The following NAA15 variants were observed in gnomAD, a reference collection of about 807,000 sequenced individuals.
NAA15 encodes the protein N-terminal acetyltransferase.
In NAA15, 34 loss-of-function variants were observed where a neutral mutation model predicts 114.0. The ratio of observed to expected loss-of-function variants is 0.30; its 90% CI spans 0.23 to 0.40. The LOEUF (loss-of-function observed/expected upper bound fraction) is 0.40. NAA15 is among the 10% of genes least tolerant of loss of function. The probability of loss-of-function intolerance (pLI) is 1.00; values close to 1 mark genes in which losing one functional copy is unlikely to be tolerated. For missense variants in NAA15, 658 were observed against 1,004.5 expected, an observed-to-expected ratio of 0.66 and a Z score of 4.66; for synonymous variants, 340 against 338.0, an observed-to-expected ratio of 1.01 and a Z score of -0.06.
At chr4:139,341,615 A>G (rs1422349614) in intron 4 of NAA15, among the ~76,000 whole-genome samples, 5 of 150,824 alleles carry the variant, frequency 3.3e-5, no homozygotes, top group Admixed American at 2.0e-4. Context: ...AAAAAAAAAA[A>G]AAAAGAAAAT....
intron 15 of NAA15, among the ~76,000 whole-genome samples, chr4:139,375,213 C>G (rs576931259): frequency 6.6e-6 from 1 of 152,272 alleles, no homozygotes; most frequent in East Asian, 1.9e-4. Flanking sequence ...GTGGGGAAGT[C>G]GTACCTATGA....
At chr4:139,351,327 G>T in intron 8 of NAA15, 41 bp downstream of exon 8, 1 of 1,399,794 alleles carries the variant, frequency 7.1e-7, no homozygotes, top group South Asian at 1.2e-5. Flanking sequence ...ATGCTTTTAT[G>T]ATTTAAAGTT....
Position 139,349,459 on chromosome 4 carries a change from C to G in NAA15, c.692-3C>G. The G allele has an allele frequency of 6.4e-7, 1 of 1,552,158 alleles. No individual in the cohort carries two copies. ...AATTTTTTTTTTTTCTGTTTTTAAT[C>G]AGGGGAACTTCTGTTGCAACTATGT... On this transcript the variant is annotated splice_region_variant and splice_polypyrimidine_tract_variant and intron_variant, in intron 6 of 19. Transcript: ENST00000296543.
At chr4:139,359,990 A>AT (rs1748082502) in intron 12 of NAA15, 95 bp downstream of exon 12, 2 of 1,189,870 alleles carry the variant, frequency 1.7e-6, no homozygotes, top group African/African-American at 3.2e-5. Flanking sequence ...TGTCTTTAAT[A>AT]TTTTTGACAC....
intron 1 of NAA15, among the ~76,000 whole-genome samples, chr4:139,305,119 A>G (rs777800127): frequency 6.6e-6 from 1 of 152,240 alleles, no homozygotes; most frequent in Non-Finnish European, 1.5e-5. Flanking sequence ...GTAGTATTCC[A>G]TGATATGGAT....
At chr4:139,365,636 G>A (rs1220056139) in intron 14 of NAA15, among the ~76,000 whole-genome samples, 1 of 151,968 alleles carries the variant, frequency 6.6e-6, no homozygotes, top group Admixed American at 6.6e-5. Flanking sequence ...CCAGGAGTCC[G>A]AGACCAGCCT....
chr4:139,307,955 A>AATT (rs913452066), intron 1 of NAA15, among the ~76,000 whole-genome samples: 10 of 151,644 alleles, frequency 6.6e-5, no homozygotes, highest in South Asian at 2.1e-4. Flanking sequence ...ATAATAAGTA[A>AATT]ATTATTATTA....
intron 17 of NAA15, 180 bp downstream of exon 17, chr4:139,379,034 T>C (rs1427228886): frequency 2.3e-6 from 1 of 427,594 alleles, no homozygotes; most frequent in African/African-American, 2.1e-5. Flanking sequence ...AGGATACAAG[T>C]ATTACCTGAT....
At chr4:139,384,043 T>G (rs1433738611) in intron 17 of NAA15, among the ~76,000 whole-genome samples, 1 of 152,198 alleles carries the variant, frequency 6.6e-6, no homozygotes, top group Non-Finnish European at 1.5e-5. Flanking sequence ...AGGGGGCAGC[T>G]CTAGGGGTTT....
intron 2 of NAA15, among the ~76,000 whole-genome samples, chr4:139,336,276 T>A (rs1747197706): frequency 6.6e-6 from 1 of 152,184 alleles, no homozygotes; most frequent in Non-Finnish European, 1.5e-5. Flanking sequence ...TTCTGAAAAC[T>A]TAATATTTCT....
rs761506239 is a variant in NAA15 at position 139,359,974 on chromosome 4, A to G, written c.1410+79A>G. Reference sequence around the variant, plus strand: ...TACTTGTATAACATGCTTATTTTTCAAAGTTTGTCTTTAATATTTTTGACA... The same window carrying G: ...TACTTGTATAACATGCTTATTTTTCGAAGTTTGTCTTTAATATTTTTGACA... On this transcript the variant is annotated intron_variant, in intron 12 of 19. Transcript: ENST00000296543. The G allele has an allele frequency of 6.5e-5, 88 of 1,364,332 alleles. No individual in the cohort carries two copies. The Middle Eastern group carries it at 1.8e-3, about 29-fold the overall frequency. 84.5% of individuals were successfully genotyped at this position (1,364,332 alleles called of 1,614,324 possible). A position where few individuals can be genotyped will look rare whatever the true frequency, so the allele number is the denominator to read the frequency against.
chr4:139,331,533 G>A (rs779629643), intron 1 of NAA15, among the ~76,000 whole-genome samples: 41 of 149,894 alleles, frequency 2.7e-4, no homozygotes, highest in African/African-American at 9.1e-4. Flanking sequence ...TGCAGCCTCC[G>A]CCTCCCAGCT....
Position 139,334,157 on chromosome 4 carries a change from C to G in NAA15, c.55-17C>G, listed in dbSNP as rs200525390. 2.1e-4 allele frequency: 318 copies of G among 1,537,814 alleles called. 3 individuals carry two copies. Among genetic ancestry groups the G allele is most frequent in the African/African-American group, 1.9e-3 (139 of 71,760 alleles). ...TATTCCTTGCTAAACTTAAATTTTTCTTTTTTGTTTTGACAGAGGTGTTAT... is the reference window on the plus strand; with the variant it reads ...TATTCCTTGCTAAACTTAAATTTTTGTTTTTTGTTTTGACAGAGGTGTTAT... On this transcript the variant is annotated splice_polypyrimidine_tract_variant and intron_variant, in intron 1 of 19. Coordinates refer to ENST00000296543, the MANE Select transcript of NAA15 (RefSeq NM_057175.5).
chr4:139,303,109 A>T (rs1004058926), intron 1 of NAA15, among the ~76,000 whole-genome samples: 2 of 152,266 alleles, frequency 1.3e-5, no homozygotes, highest in Non-Finnish European at 2.9e-5. Flanking sequence ...AAGTGTCCAT[A>T]TGCCCTACAG....
intron 1 of NAA15, among the ~76,000 whole-genome samples, chr4:139,319,721 C>T (rs2110860205): frequency 6.6e-6 from 1 of 152,328 alleles, no homozygotes; most frequent in African/African-American, 2.4e-5. Context: ...GTGTGAGCCA[C>T]CACACCCAGC....
At chr4:139,321,473 T>TA (rs1426413587) in intron 1 of NAA15, among the ~76,000 whole-genome samples, 1 of 140,742 alleles carries the variant, frequency 7.1e-6, no homozygotes, top group Non-Finnish European at 1.5e-5. Context: ...CCTTATTTGT[T>TA]TTTTTTTTTT....
chr4:139,370,881 C>T (rs970881501), intron 15 of NAA15, among the ~76,000 whole-genome samples: 5 of 152,148 alleles, frequency 3.3e-5, no homozygotes, highest in South Asian at 2.1e-4. Context: ...GAGGACTATA[C>T]GTGTATCTCC....
At chr4:139,368,112 T>C (rs1423424367) in intron 14 of NAA15, among the ~76,000 whole-genome samples, 1 of 152,238 alleles carries the variant, frequency 6.6e-6, no homozygotes, top group East Asian at 1.9e-4. Flanking sequence ...CAGTATCTCA[T>C]GTCCAGGTAC....
intron 6 of NAA15, among the ~76,000 whole-genome samples, chr4:139,344,604 A>C (rs542992853): frequency 4.0e-4 from 61 of 152,336 alleles, no homozygotes; most frequent in African/African-American, 1.4e-3. Context: ...GTATCTTTGT[A>C]TTAAAAATAT....
Sources: allele counts gnomAD v4.1 joint callset (sites outside exome capture counted in the v4.1 genomes callset), GRCh38; gene constraint gnomAD v4.1.1; transcripts MANE v1.5; gene names NCBI Gene and HGNC (gene_info 2026-07-23, HGNC 2026-07-21).